RFX7: variants seen among roughly 807,000 people sequenced by gnomAD.
The protein encoded by RFX7 is regulatory factor X7.
A neutral mutation model predicts 111.8 loss-of-function variants in RFX7; 26 were observed. The ratio of observed to expected loss-of-function variants is 0.23; its 90% CI spans 0.17 to 0.32. The LOEUF (loss-of-function observed/expected upper bound fraction) is 0.32. RFX7 is among the 10% of genes least tolerant of loss of function. The probability of loss-of-function intolerance (pLI) is 1.00; values close to 1 mark genes in which losing one functional copy is unlikely to be tolerated. For synonymous variants in RFX7, 624 were observed against 624.4 expected, an observed-to-expected ratio of 1.00 and a Z score of 0.01; for missense variants, 1,573 against 1,772.9, an observed-to-expected ratio of 0.89 and a Z score of 2.02.
At chr15:56,130,032 A>G (rs1202047488) in intron 5 of RFX7, among the ~76,000 whole-genome samples, 1 of 152,206 alleles carries the variant, frequency 6.6e-6, no homozygotes, top group Non-Finnish European at 1.5e-5. Context: ...TCTACTAAGG[A>G]TACAAAATCA....
chr15:56,183,886 A>ATTCT (rs1443418450), intron 2 of RFX7, among the ~76,000 whole-genome samples: 1 of 152,184 alleles, frequency 6.6e-6, no homozygotes, highest in African/African-American at 2.4e-5. Context: ...TTTTGTTAGA[A>ATTCT]AGAGTACAAG....
chr15:56,125,086 C>A (rs1472011034), intron 5 of RFX7, among the ~76,000 whole-genome samples: 1 of 152,166 alleles, frequency 6.6e-6, no homozygotes, highest in Non-Finnish European at 1.5e-5. Context: ...ACCCAGTTTC[C>A]TCAGCACCAT....
intron 1 of RFX7, 47 bp downstream of exon 1, chr15:56,243,398 G>T: frequency 2.7e-6 from 2 of 735,490 alleles, no homozygotes; most frequent in Non-Finnish European, 3.6e-6. Context: ...AGGGGGAGGG[G>T]AAGAGGAGGA....
chr15:56,194,539 T>C (rs1388761855), intron 2 of RFX7, among the ~76,000 whole-genome samples: 1 of 152,152 alleles, frequency 6.6e-6, no homozygotes. Flanking sequence ...ATAGCAAAAC[T>C]TATTTTTACC....
Position 56,093,315 on chromosome 15 carries a change from TAC to T in RFX7, c.*28_*29del. On this transcript the variant is annotated 3_prime_UTR_variant, in exon 10 of 10. Coordinates refer to ENST00000559447, the MANE Select transcript of RFX7 (RefSeq NM_022841.7). Reference sequence around the variant, plus strand: ...CAAATACAATACATATGTCTTTAGATACAGTGTGCTACATGTTATAAAACACA... The same window carrying T: ...CAAATACAATACATATGTCTTTAGATAGTGTGCTACATGTTATAAAACACA... 6.5e-7 allele frequency: 1 copy of T among 1,544,970 alleles called. No individual in the cohort carries two copies. Among genetic ancestry groups the T allele is most frequent in the East Asian group, 2.3e-5 (1 of 44,366 alleles).
At chr15:56,242,382 G>A (rs1335238963) in intron 2 of RFX7, among the ~76,000 whole-genome samples, 3 of 152,088 alleles carry the variant, frequency 2.0e-5, no homozygotes, top group Non-Finnish European at 4.4e-5. Flanking sequence ...GGAGTTTAAT[G>A]CTGAAATATT....
intron 3 of RFX7, among the ~76,000 whole-genome samples, chr15:56,156,038 T>C (rs2042648346): frequency 6.6e-6 from 1 of 152,106 alleles, no homozygotes; most frequent in Non-Finnish European, 1.5e-5. Flanking sequence ...TTACTACACA[T>C]GAACCTGCAA....
intron 5 of RFX7, among the ~76,000 whole-genome samples, chr15:56,142,207 G>A (rs2042410470): frequency 6.6e-6 from 1 of 151,992 alleles, no homozygotes; most frequent in Non-Finnish European, 1.5e-5. Context: ...AACCAGAAGG[G>A]CTCATCAGCC....
At chr15:56,119,229 T>G (rs1307134595) in intron 5 of RFX7, among the ~76,000 whole-genome samples, 3 of 152,212 alleles carry the variant, frequency 2.0e-5, no homozygotes, top group African/African-American at 7.2e-5. Flanking sequence ...TGGTTGCCTG[T>G]GCTTGTAGGG....
chr15:56,166,834 G>T (rs1441908536), intron 3 of RFX7, among the ~76,000 whole-genome samples: 2 of 152,108 alleles, frequency 1.3e-5, no homozygotes, highest in African/African-American at 4.8e-5. Context: ...AGCTCCTGCA[G>T]TCTGGAACTC....
chr15:56,144,523 A>G, intron 3 of RFX7, 40 bp from the exon 4 acceptor site: 2 of 1,203,164 alleles, frequency 1.7e-6, no homozygotes, highest in Non-Finnish European at 2.3e-6. Context: ...ATTTTTAAAA[A>G]ACACTCATTT....
At chr15:56,097,291 A>G (rs1178912261) in intron 9 of RFX7, among the ~76,000 whole-genome samples, 2 of 152,174 alleles carry the variant, frequency 1.3e-5, no homozygotes, top group Non-Finnish European at 2.9e-5. Flanking sequence ...CTGTTTCCTT[A>G]TCTACAAATA....
At chr15:56,219,319 A>G (rs1415002379) in intron 2 of RFX7, among the ~76,000 whole-genome samples, 1 of 151,656 alleles carries the variant, frequency 6.6e-6, no homozygotes, top group Admixed American at 6.6e-5. Flanking sequence ...TCTAATGGTT[A>G]GTGTTTGCTT....
chr15:56,093,255 T>C lies in RFX7; in HGVS notation c.*90A>G. ...AACGCTTTTAAAATGTCACAATTAA[T>C]AGTATTTCTGCTGCGGGAGGCACTT... On this transcript the variant is annotated 3_prime_UTR_variant, in exon 10 of 10. Coordinates refer to ENST00000559447, the MANE Select transcript of RFX7 (RefSeq NM_022841.7). The C allele has an allele frequency of 8.9e-7, 1 of 1,129,848 alleles. No homozygotes were observed. The highest frequency in any genetic ancestry group is 1.7e-5 in the South Asian group (1 of 58,950). 70.0% of individuals were successfully genotyped at this position (1,129,848 alleles called of 1,614,324 possible).
intron 2 of RFX7, among the ~76,000 whole-genome samples, chr15:56,239,753 A>T (rs1429568517): frequency 1.3e-5 from 2 of 152,034 alleles, no homozygotes; most frequent in African/African-American, 4.8e-5. Context: ...CAAATATGTT[A>T]TTCACTCCCA....
intron 5 of RFX7, among the ~76,000 whole-genome samples, chr15:56,132,850 A>G (rs1269111622): frequency 6.6e-6 from 1 of 152,138 alleles, no homozygotes; most frequent in Non-Finnish European, 1.5e-5. Flanking sequence ...TTAGCCAGCA[A>G]TCCCAATTTT....
In RFX7 at chr15:56,111,782, T is replaced by A. The variant is rs146655717; in HGVS notation, c.402-8112A>T. 2.8e-3 allele frequency among the ~76,000 whole-genome samples: 421 copies of A among 151,070 alleles called. 3 individuals are homozygous for A. Among genetic ancestry groups the A allele is most frequent in the African/African-American group, 9.7e-3 (397 of 41,048 alleles). On this transcript the variant is annotated intron_variant, in intron 5 of 9. Coordinates refer to ENST00000559447, the MANE Select transcript of RFX7 (RefSeq NM_022841.7). ...AAAAACCTGGATCCAGACAAGTGTA[T>A]CTAAAAGTTCTCCAGGTATTTCTCA...
At chr15:56,115,884 G>A (rs778895004) in intron 5 of RFX7, among the ~76,000 whole-genome samples, 1 of 151,708 alleles carries the variant, frequency 6.6e-6, no homozygotes, top group Non-Finnish European at 1.5e-5. Flanking sequence ...AGAGCTTGCA[G>A]TGAGCCGAGA....
chr15:56,206,976 C>T (rs549944005), intron 2 of RFX7, among the ~76,000 whole-genome samples: 1 of 151,898 alleles, frequency 6.6e-6, no homozygotes, highest in Non-Finnish European at 1.5e-5. Context: ...TAAAAAATAA[C>T]TGAACATTTA....
Sources: allele counts gnomAD v4.1 joint callset (sites outside exome capture counted in the v4.1 genomes callset), GRCh38; gene constraint gnomAD v4.1.1; transcripts MANE v1.5; gene names NCBI Gene and HGNC (gene_info 2026-07-23, HGNC 2026-07-21).